The following ASPG variants were observed in gnomAD, a reference collection of about 807,000 sequenced individuals.
ASPG encodes the protein 60 kDa lysophospholipase.
ASPG carries 53 observed loss-of-function variants against 63.2 expected under a neutral mutation model. The observed-to-expected ratio is 0.84, with a 90% CI of 0.67 to 1.05. ASPG has a LOEUF of 1.05. Ranked by LOEUF, ASPG falls within the 50% of genes least tolerant of loss-of-function variation. The pLI is 0.00. For synonymous variants in ASPG, 370 were observed against 355.0 expected, an observed-to-expected ratio of 1.04 and a Z score of -0.48; for missense variants, 741 against 794.4, an observed-to-expected ratio of 0.93 and a Z score of 0.81.
intron 14 of ASPG, 117 bp from the exon 15 acceptor site, chr14:104,111,803 C>T: frequency 9.1e-7 from 1 of 1,101,808 alleles, no homozygotes; most frequent in Non-Finnish European, 1.3e-6. Flanking sequence ...GGAGGAGCTG[C>T]TGGGGCCCTG....
intron 1 of ASPG, among the ~76,000 whole-genome samples, chr14:104,086,662 G>A (rs2036229108): frequency 6.6e-6 from 1 of 152,100 alleles, no homozygotes; most frequent in African/African-American, 2.4e-5. Flanking sequence ...GCCCCCAGAT[G>A]GGCTCTGCTG....
In ASPG at chr14:104,110,480, C is replaced by T. The variant is rs932269625; in HGVS notation, c.1521-1022C>T. On this transcript the variant is annotated intron_variant, in intron 13 of 15. Transcript: ENST00000551177. This position sits in a 1 kb window ranked among gnomAD's most constrained non-coding sequence, Gnocchi z 4.7. ...GGTCCTGTGGGAGCTGGGACCAGAA[C>T]CCTGGTCCAGGACTCTGCTTGGAAG... 15 of 985,260 alleles carry T rather than the reference C, an allele frequency of 1.5e-5. No homozygotes were observed. The African/African-American group carries it at 2.6e-4, about 17-fold the overall frequency. 61.0% of individuals were successfully genotyped at this position (985,260 alleles called of 1,614,324 possible). A position where few individuals can be genotyped will look rare whatever the true frequency, so the allele number is the denominator to read the frequency against.
In ASPG at chr14:104,092,604, C is replaced by T. The variant is rs375681497; in HGVS notation, c.83-29C>T. The T allele has an allele frequency of 5.2e-5, 79 of 1,521,914 alleles. No homozygotes were observed. The African/African-American group carries it at 7.6e-4, about 15-fold the overall frequency. The allele number at this position is 1,521,914 out of a possible 1,614,324, so 94.3% of individuals were successfully genotyped here. A position where few individuals can be genotyped will look rare whatever the true frequency, so the allele number is the denominator to read the frequency against. On this transcript the variant is annotated intron_variant, in intron 1 of 15. Coordinates refer to ENST00000551177, the MANE Select transcript of ASPG (RefSeq NM_001080464.3). Reference sequence around the variant, plus strand: ...GCGGCCATGGCTGTCAGCCCCTGACCCCAGCATCCACCTGGACTCTGCCTG... The same window carrying T: ...GCGGCCATGGCTGTCAGCCCCTGACTCCAGCATCCACCTGGACTCTGCCTG...
Position 104,092,704 on chromosome 14 carries a change from C to G in ASPG, c.154C>G (p.Arg52Gly). 1.3e-6 allele frequency: 2 copies of G among 1,537,426 alleles called. No homozygotes were observed. Among genetic ancestry groups the G allele is most frequent in the Non-Finnish European group, 1.7e-6 (2 of 1,147,400 alleles). The part of the protein sequence containing the change: ...LPMFHDEEHA[R>G]ARGLSEDTLV... ...CATGTTCCATGACGAGGAGCACGCC[C>G]GAGCCCGCGGCCTCTCTGAGGACAC... is the stretch of plus-strand genomic sequence containing the variant. Residue 52 changes from arginine (R) to glycine (G), a missense_variant, in exon 2 of 16, where the codon CGA becomes GGA. By Grantham distance (125) the Arg-to-Gly change is moderately radical. Coordinates refer to ENST00000551177, the MANE Select transcript of ASPG (RefSeq NM_001080464.3).
intron 13 of ASPG, 96 bp from the exon 14 acceptor site, chr14:104,111,406 T>A: frequency 8.4e-7 from 1 of 1,195,240 alleles, no homozygotes; most frequent in Non-Finnish European, 1.2e-6. Flanking sequence ...GGGCTGGCTT[T>A]GTAAGAGCGT....
At chr14:104,089,066 A>G (rs2036294032) in intron 1 of ASPG, among the ~76,000 whole-genome samples, 1 of 151,860 alleles carries the variant, frequency 6.6e-6, no homozygotes, top group Admixed American at 6.6e-5. Flanking sequence ...TGTCGCCCAG[A>G]CTGGAGTGCA....
chr14:104,097,770 T>C, intron 5 of ASPG, 133 bp downstream of exon 5: 1 of 766,140 alleles, frequency 1.3e-6, no homozygotes, highest in Admixed American at 2.5e-5. Flanking sequence ...GTCTTCTAGA[T>C]CTTATGTTGT....
chr14:104,101,795 C>T (rs562959286), intron 6 of ASPG, among the ~76,000 whole-genome samples: 22 of 152,286 alleles, frequency 1.4e-4, no homozygotes, highest in Non-Finnish European at 2.6e-4. Context: ...CCAGCTGTGC[C>T]GCATCCAGCT....
rs2036359231 is a variant in ASPG, at chr14:104,091,325, C to T, written c.83-1308C>T. Among the ~76,000 whole-genome samples the T allele has an allele frequency of 6.6e-6, 1 of 152,128 alleles. No individual in the cohort carries two copies. The highest frequency in any genetic ancestry group is 1.5e-5 in the Non-Finnish European group (1 of 68,026). On this transcript the variant is annotated intron_variant, in intron 1 of 15. Transcript: ENST00000551177. This position sits in a 1 kb window ranked among gnomAD's most constrained non-coding sequence, Gnocchi z 6.4. ...TGGTGAATCCAGACCTTTGTTCCGG[C>T]AGCCCGTGTCCTGGCTGTGCTCTGG...
In ASPG at chr14:104,093,605, A is replaced by C; in HGVS notation, c.303+3A>C. The C allele has an allele frequency of 6.9e-7, 1 of 1,441,386 alleles. No individual in the cohort carries two copies. The highest frequency in any genetic ancestry group is 9.4e-7 in the Non-Finnish European group (1 of 1,059,000). The allele number at this position is 1,441,386 out of a possible 1,614,324, so 89.3% of individuals were successfully genotyped here. ...TTTGCCTTGCCCAGACCATCAAGGTAGTGGGGCTGGGGAATGCTGGGTGGG... is the reference window on the plus strand; with the variant it reads ...TTTGCCTTGCCCAGACCATCAAGGTCGTGGGGCTGGGGAATGCTGGGTGGG... On this transcript the variant is annotated splice_donor_region_variant and intron_variant, in intron 3 of 15. Coordinates refer to ENST00000551177, the MANE Select transcript of ASPG (RefSeq NM_001080464.3).
intron 1 of ASPG, among the ~76,000 whole-genome samples, chr14:104,087,384 C>T (rs1403442588): frequency 1.3e-5 from 2 of 152,204 alleles, no homozygotes; most frequent in African/African-American, 2.4e-5. Context: ...AGGAGCTAGT[C>T]CCAGGGGCAG....
At chr14:104,102,809 C>T (rs1189177863) in intron 6 of ASPG, among the ~76,000 whole-genome samples, 5 of 152,196 alleles carry the variant, frequency 3.3e-5, no homozygotes, top group African/African-American at 1.2e-4. Flanking sequence ...AGCATGTCCT[C>T]TGGGGAGCCC....
intron 6 of ASPG, among the ~76,000 whole-genome samples, chr14:104,100,133 G>A (rs1157505906): frequency 6.6e-6 from 1 of 152,214 alleles, no homozygotes; most frequent in African/African-American, 2.4e-5. Context: ...TGGAGAAAGG[G>A]TTGGGCTATG....
chr14:104,111,577 T>C lies in ASPG; in HGVS notation c.1596T>C (p.Tyr532=). Residue 532 remains tyrosine, a synonymous_variant, in exon 14 of 16, where the codon TAT becomes TAC. Transcript: ENST00000551177. ...GGGCTGACCTGGGGCAGCCGGGCTATGACGGGCACAGCGCCCTGCACGTCG... is the reference window on the plus strand; with the variant it reads ...GGGCTGACCTGGGGCAGCCGGGCTACGACGGGCACAGCGCCCTGCACGTCG... ...QAGADLGQPG[Y]DGHSALHVAE... 1 of 1,551,014 alleles carries C rather than the reference T, an allele frequency of 6.4e-7. No homozygotes were observed. Among genetic ancestry groups the C allele is most frequent in the Non-Finnish European group, 8.7e-7 (1 of 1,147,268 alleles).
chr14:104,090,773 A>C lies in ASPG; in HGVS notation c.83-1860A>C, dbSNP rs138834891. Among the ~76,000 whole-genome samples the C allele has an allele frequency of 6.8e-3, 1,038 of 152,340 alleles. 9 individuals carry two copies. The highest frequency in any genetic ancestry group is 0.024 in the African/African-American group (981 of 41,576). On this transcript the variant is annotated intron_variant, in intron 1 of 15. Transcript: ENST00000551177. Reference sequence around the variant, plus strand: ...ATTGTCCAGGGCCACCTCCCGCCCCATGACCCCTAATATCACATCCGTAAA... The same window carrying C: ...ATTGTCCAGGGCCACCTCCCGCCCCCTGACCCCTAATATCACATCCGTAAA...
At position 104,104,360 on chromosome 14, in the gene ASPG, A is replaced by C; in HGVS notation, c.810A>C (p.Ser270=). Reference sequence around the variant, plus strand: ...GCGTGGTCATGGAGACCTTCGGTTCAGGGAACGGACCCACCAAGCCCGACC... The same window carrying C: ...GCGTGGTCATGGAGACCTTCGGTTCCGGGAACGGACCCACCAAGCCCGACC... ...LKGVVMETFG[S]GNGPTKPDLL... is the part of the protein sequence containing the mutation. The change falls in exon 8 of 16, where the codon TCA becomes TCC. Residue 270 remains serine, a synonymous_variant. Coordinates refer to ENST00000551177, the MANE Select transcript of ASPG (RefSeq NM_001080464.3). The C allele has an allele frequency of 6.2e-7, 1 of 1,612,572 alleles. No individual in the cohort carries two copies. The highest frequency in any genetic ancestry group is 8.5e-7 in the Non-Finnish European group (1 of 1,179,782).
At position 104,105,333 on chromosome 14, in the gene ASPG, G is replaced by A. The variant is rs774437317; in HGVS notation, c.1056G>A (p.Leu352=). Reference sequence around the variant, plus strand: ...ACCTCTGTTCTCTCCACCAGCTGCTGACCAAGGACCTTCGGGGGGAGATGA... The same window carrying A: ...ACCTCTGTTCTCTCCACCAGCTGCTAACCAAGGACCTTCGGGGGGAGATGA... ...GLSLDVRKEL[L]TKDLRGEMTP... Residue 352 remains leucine (L), a synonymous_variant, in exon 10 of 16, where the codon CTG becomes CTA. Transcript: ENST00000551177. 6.2e-7 allele frequency: 1 copy of A among 1,612,642 alleles called. No individual in the cohort carries two copies. The highest frequency in any genetic ancestry group is 1.1e-5 in the South Asian group (1 of 91,082).
chr14:104,086,346 G>A (rs1051732495), intron 1 of ASPG, among the ~76,000 whole-genome samples: 2 of 152,188 alleles, frequency 1.3e-5, no homozygotes, highest in African/African-American at 4.8e-5. Flanking sequence ...GGGCTACCTG[G>A]CATCTGCGGG....
rs547499836 is a variant in ASPG at position 104,111,138 on chromosome 14, G to A, written c.1521-364G>A. 7 of 985,450 alleles carry A rather than the reference G, an allele frequency of 7.1e-6. No homozygotes were observed. In the East Asian group the frequency reaches 7.9e-4, roughly 112 times the overall value. The allele number at this position is 985,450 out of a possible 1,614,324, so 61.0% of individuals were successfully genotyped here. A position where few individuals can be genotyped will look rare whatever the true frequency, so the allele number is the denominator to read the frequency against. ...GTGGGCGTGCATATGTGTGTGCAAA[G>A]GCGCATGTGCTCATGTGTGTGTGCA... On this transcript the variant is annotated intron_variant, in intron 13 of 15. Transcript: ENST00000551177.
Sources: gnomAD v4.1 joint callset for allele counts (sites outside exome capture counted in the v4.1 genomes callset) on GRCh38, gnomAD v4.1.1 for gene constraint, Gnocchi (gnomAD v3.1) non-coding constraint, MANE v1.5 for transcripts, NCBI Gene and HGNC (gene_info 2026-07-23, HGNC 2026-07-21) for gene names.